MMP28: variants seen among roughly 807,000 people sequenced by gnomAD.
MMP28 encodes the protein matrix metalloproteinase-28.
A neutral mutation model predicts 60.5 loss-of-function variants in MMP28; 55 were observed. The observed-to-expected ratio is 0.91, with a 90% CI of 0.73 to 1.14. The LOEUF (loss-of-function observed/expected upper bound fraction) is 1.14, where lower values mean the gene tolerates loss of function less well. MMP28 is among the 50% of genes most tolerant of loss of function. The pLI, the probability that MMP28 is intolerant of heterozygous loss-of-function variation, is 0.00. For missense variants in MMP28, 686 were observed against 738.3 expected, an observed-to-expected ratio of 0.93 and a Z score of 0.82; for synonymous variants, 318 against 312.5, an observed-to-expected ratio of 1.02 and a Z score of -0.18.
At chr17:35,771,731 AT>A (rs2086156736) in intron 4 of MMP28, among the ~76,000 whole-genome samples, 4 of 90,938 alleles carry the variant, frequency 4.4e-5, no homozygotes, top group South Asian at 3.6e-4. Flanking sequence ...ATATATATAT[AT>A]ATATATATAT....
At position 35,766,895 on chromosome 17, in the gene MMP28, C is replaced by G; in HGVS notation, c.1169-1G>C. 1.9e-6 allele frequency: 3 copies of G among 1,572,400 alleles called. No homozygotes were observed. The highest frequency in any genetic ancestry group is 2.6e-6 in the Non-Finnish European group (3 of 1,159,834). On this transcript the variant is annotated splice_acceptor_variant, in intron 7 of 7. Transcript: ENST00000605424. LOFTEE classifies it high-confidence loss of function. The surrounding 1 kb of genome is among the most constrained non-coding windows in gnomAD (Gnocchi z 4.3). The stretch of plus-strand genomic sequence containing the variant: ...CCCCGGAACCTCCAGCATCGACCCC[C>G]TGTGGGGAATTGGGAGAGCCAGGGT...
intron 3 of MMP28, 52 bp from the exon 4 acceptor site, chr17:35,773,456 G>GTGGGGACCAGACTC: frequency 6.7e-7 from 1 of 1,482,992 alleles, no homozygotes; most frequent in Non-Finnish European, 9.2e-7. Context: ...GCCCGAGTCT[G>GTGGGGACCAGACTC]GTCCCCACAG....
At position 35,773,411 on chromosome 17, in the gene MMP28, C is replaced by T; in HGVS notation, c.380-7G>A. 2.5e-6 allele frequency: 4 copies of T among 1,576,228 alleles called. No homozygotes were observed. The highest frequency in any genetic ancestry group is 2.3e-5 in the South Asian group (2 of 86,650). On this transcript the variant is annotated splice_polypyrimidine_tract_variant and splice_region_variant and intron_variant, in intron 3 of 7. Coordinates refer to ENST00000605424, the MANE Select transcript of MMP28 (RefSeq NM_024302.5). ...TGCTTGTACCATTTGTTACCTGCCA[C>T]CCAGAAAGCCCACGTCAGTCACACC...
chr17:35,759,646 A>G (rs78768973), intron 2 of MMP28, among the ~76,000 whole-genome samples: 3,148 of 152,238 alleles, frequency 0.021, 64 homozygotes, highest in East Asian at 0.11. Flanking sequence ...GGTTGCAGTG[A>G]GCCGAGATTG....
intron 3 of MMP28, among the ~76,000 whole-genome samples, chr17:35,776,545 G>A (rs550026897): frequency 9.0e-4 from 137 of 152,214 alleles, no homozygotes; most frequent in African/African-American, 3.0e-3. Context: ...ATTTAACTGG[G>A]CATCCTATAT....
At chr17:35,793,835 C>A (rs978016486) in intron 1 of MMP28, among the ~76,000 whole-genome samples, 1 of 152,164 alleles carries the variant, frequency 6.6e-6, no homozygotes, top group Non-Finnish European at 1.5e-5. Flanking sequence ...CAGTGGCTCA[C>A]GCCTGTAATC....
rs1159708133 is a variant in MMP28 at position 35,795,520 on chromosome 17, T to C, written c.-143A>G. On this transcript the variant is annotated 5_prime_UTR_variant, in exon 1 of 8. Transcript: ENST00000605424. ...AGGGACTGTCCCGGGGTTTCGCCAG[T>C]GCCCTAGCTGCGCGCTCTGGGCCGC... The C allele has an allele frequency of 4.0e-6, 2 of 497,950 alleles. No homozygotes were observed. The allele number at this position is 497,950 out of a possible 1,614,324, so 30.8% of individuals were successfully genotyped here.
At chr17:35,761,784 C>T (rs1555601574), downstream of MMP28, among the ~76,000 whole-genome samples, 1 of 152,168 alleles carries the variant, frequency 6.6e-6, no homozygotes, top group African/African-American at 2.4e-5. Context: ...GTCCAGATTC[C>T]ATAGCGCAGC....
rs749885919 is a variant in MMP28 at position 35,766,608 on chromosome 17, G to A, written c.1455C>T (p.Tyr485=). ...GSIIFFRDDR[Y]WRLDQAKLQA... is the part of the protein sequence containing the mutation. ...GCAGTTTGGCCTGGTCGAGGCGCCAGTAGCGGTCATCTCGGAAGAAGATGA... is the reference window on the plus strand; with the variant it reads ...GCAGTTTGGCCTGGTCGAGGCGCCAATAGCGGTCATCTCGGAAGAAGATGA... The change falls in exon 8 of 8, where the codon TAC becomes TAT. Residue 485 remains tyrosine (Y), a synonymous_variant. Coordinates refer to ENST00000605424, the MANE Select transcript of MMP28 (RefSeq NM_024302.5). The surrounding 1 kb of genome is among the most constrained non-coding windows in gnomAD (Gnocchi z 4.3). 30 of 1,612,608 alleles carry A rather than the reference G, an allele frequency of 1.9e-5. No individual in the cohort carries two copies. Among genetic ancestry groups the A allele is most frequent in the South Asian group, 2.2e-5 (2 of 91,058 alleles).
intron 1 of MMP28, among the ~76,000 whole-genome samples, chr17:35,781,457 T>C (rs532634814): frequency 6.6e-6 from 1 of 152,334 alleles, no homozygotes; most frequent in East Asian, 1.9e-4. Context: ...CGAGCTCCTC[T>C]GGGGAAATTG....
chr17:35,777,478 A>G (rs908854798), intron 3 of MMP28, among the ~76,000 whole-genome samples: 6 of 152,188 alleles, frequency 3.9e-5, no homozygotes, highest in African/African-American at 1.4e-4. Flanking sequence ...ACCTGGAAAC[A>G]GCCACCCTCC....
chr17:35,768,492 G>C (rs2143198713), intron 5 of MMP28, 113 bp from the exon 6 acceptor site: 1 of 891,792 alleles, frequency 1.1e-6, no homozygotes, highest in East Asian at 2.5e-5. Flanking sequence ...TGAGGGGCAA[G>C]GAAGGAGAGT....
chr17:35,776,248 T>C (rs144002406), intron 3 of MMP28, among the ~76,000 whole-genome samples: 1,930 of 151,920 alleles, frequency 0.013, 18 homozygotes, highest in Middle Eastern at 0.017. Context: ...TTTGGCTCAC[T>C]GCAACCTCTA....
At chr17:35,769,950 G>C in intron 5 of MMP28, 117 bp downstream of exon 5, 2 of 1,335,110 alleles carry the variant, frequency 1.5e-6, no homozygotes, top group Non-Finnish European at 2.0e-6. Context: ...TCGGCGACAG[G>C]GAGGCCAGAT....
rs117177090 is a variant in MMP28 at position 35,781,362 on chromosome 17, A to T, written c.112-2039T>A. ...TTTAAGATTACCTTGGAGATTTCAA[A>T]GTGGCACTGGCTGTATGATCCTAGA... is the stretch of plus-strand genomic sequence containing the variant. On this transcript the variant is annotated intron_variant, in intron 1 of 7. Transcript: ENST00000605424. 1.4e-4 allele frequency among the ~76,000 whole-genome samples: 22 copies of T among 152,292 alleles called. No homozygotes were observed. The East Asian group carries it at 4.2e-3, about 29-fold the overall frequency.
intron 1 of MMP28, among the ~76,000 whole-genome samples, chr17:35,783,062 G>A (rs2143499516): frequency 6.6e-6 from 1 of 152,160 alleles, no homozygotes; most frequent in East Asian, 1.9e-4. Flanking sequence ...TCCTGACCTT[G>A]TGATCCCCCC....
chr17:35,794,528 G>A (rs900162038), intron 1 of MMP28, among the ~76,000 whole-genome samples: 23 of 152,182 alleles, frequency 1.5e-4, no homozygotes, highest in African/African-American at 5.3e-4. Context: ...TTACAGGCGT[G>A]AGCCACCGCG....
intron 3 of MMP28, among the ~76,000 whole-genome samples, chr17:35,776,572 G>A (rs947575341): frequency 6.6e-6 from 1 of 152,112 alleles, no homozygotes; most frequent in African/African-American, 2.4e-5. Context: ...TGGCAACTGA[G>A]TAATACTATC....
At chr17:35,767,122 G>C in intron 7 of MMP28, 1 of 703,654 alleles carries the variant, frequency 1.4e-6, no homozygotes, top group Non-Finnish European at 2.6e-6. Flanking sequence ...GCAGAGGGCA[G>C]ATAGCCCCGA....
Sources: gnomAD v4.1 joint callset for allele counts (sites outside exome capture counted in the v4.1 genomes callset) on GRCh38, gnomAD v4.1.1 for gene constraint, Gnocchi (gnomAD v3.1) non-coding constraint, MANE v1.5 for transcripts, NCBI Gene and HGNC (gene_info 2026-07-23, HGNC 2026-07-21) for gene names.